TCF7L2: variants seen among roughly 807,000 people sequenced by gnomAD.
TCF7L2 encodes the protein transcription factor 7 like 2.
In TCF7L2, 23 loss-of-function variants were observed where a neutral mutation model predicts 77.9. The ratio of observed to expected loss-of-function variants is 0.30; its 90% CI spans 0.21 to 0.42. The LOEUF (loss-of-function observed/expected upper bound fraction) is 0.42. Among genes scored for constraint, TCF7L2 ranks in the 10% least tolerant of loss-of-function variants. TCF7L2 has a pLI of 1.00. For missense variants in TCF7L2, 654 were observed against 793.1 expected (o/e 0.82, Z 2.11); for synonymous variants, 413 against 340.2 (o/e 1.21, Z -2.36).
chr10:113,080,725 G>A (rs922575158), intron 5 of TCF7L2, among the ~76,000 whole-genome samples: 11 of 152,128 alleles, frequency 7.2e-5, no homozygotes, highest in African/African-American at 2.7e-4. Context: ...AACATGGCTT[G>A]TTTTCATAAG....
chr10:112,959,885 A>G (rs890416625), intron 3 of TCF7L2, among the ~76,000 whole-genome samples: 3 of 152,190 alleles, frequency 2.0e-5, no homozygotes, highest in Non-Finnish European at 4.4e-5. Flanking sequence ...TCTTAAGGTA[A>G]TTACATGGAA....
chr10:113,072,902 T>G (rs1326242964), intron 5 of TCF7L2, among the ~76,000 whole-genome samples: 1 of 152,200 alleles, frequency 6.6e-6, no homozygotes, highest in African/African-American at 2.4e-5. Context: ...GCACTGGGCC[T>G]GAGACCTTTT....
chr10:113,150,132 G>A (rs757391501), intron 8 of TCF7L2, among the ~76,000 whole-genome samples: 1 of 152,148 alleles, frequency 6.6e-6, no homozygotes, highest in Non-Finnish European at 1.5e-5. Flanking sequence ...CAAAAAATGA[G>A]CAGCATGAGA....
intron 3 of TCF7L2, among the ~76,000 whole-genome samples, chr10:112,961,581 A>G (rs1360862874): frequency 5.3e-5 from 8 of 152,346 alleles, no homozygotes; most frequent in Middle Eastern, 3.4e-3. Flanking sequence ...CAGTGAAAGT[A>G]TGCATTTTCG....
At chr10:113,064,733 G>T (rs1339485248) in intron 5 of TCF7L2, among the ~76,000 whole-genome samples, 1 of 152,198 alleles carries the variant, frequency 6.6e-6, no homozygotes, top group Non-Finnish European at 1.5e-5. Context: ...AACTACCACG[G>T]ATGCTTCAGC....
At chr10:113,117,506 A>G (rs1391778017) in intron 5 of TCF7L2, among the ~76,000 whole-genome samples, 1 of 150,536 alleles carries the variant, frequency 6.6e-6, no homozygotes, top group Non-Finnish European at 1.5e-5. Flanking sequence ...ACAGAACAGG[A>G]TACAATGAGA....
rs1454709327 is a variant in TCF7L2, at chr10:112,950,697, T to C, written c.-60T>C. ...GCAAAACTTTTTGGGGGTGATTTTT[T>C]TTGGCTTTTCTTCCTCCTTCATTTT... On this transcript the variant is annotated 5_prime_UTR_variant, in exon 1 of 14. Coordinates refer to ENST00000627217, the MANE Select transcript of TCF7L2 (RefSeq NM_001146274.2). 2 of 1,518,240 alleles carry C rather than the reference T, an allele frequency of 1.3e-6. No individual in the cohort carries two copies. Among genetic ancestry groups the C allele is most frequent in the Non-Finnish European group, 1.8e-6 (2 of 1,136,610 alleles). 94.0% of individuals were successfully genotyped at this position (1,518,240 alleles called of 1,614,324 possible).
Position 113,070,164 on chromosome 10 carries a change from G to T in TCF7L2, c.552+30038G>T, listed in dbSNP as rs553302032. Among the ~76,000 whole-genome samples, 20 of 151,602 alleles carry T rather than the reference G, an allele frequency of 1.3e-4. 1 individual carries two copies. In the South Asian group the frequency reaches 4.2e-3, roughly 32 times the overall value. ...CCAGCTACTCGGGAGGCTGAGGCAG[G>T]AGAATCCCTTGAACCAGTGAGTCGG... On this transcript the variant is annotated intron_variant, in intron 5 of 13. Coordinates refer to ENST00000627217, the MANE Select transcript of TCF7L2 (RefSeq NM_001146274.2).
Position 113,022,590 on chromosome 10 carries a change from C to A in TCF7L2, c.451-17435C>A, listed in dbSNP as rs146861379. 3.3e-5 allele frequency among the ~76,000 whole-genome samples: 5 copies of A among 152,244 alleles called. No individual in the cohort carries two copies. The South Asian group carries it at 6.2e-4, about 19-fold the overall frequency. The stretch of plus-strand genomic sequence containing the variant: ...TCCCCCTTAAGCGGTGGTTAATACG[C>A]GTATCTGCAGATTTACTTTTTGGAT... On this transcript the variant is annotated intron_variant, in intron 4 of 13. Transcript: ENST00000627217.
At chr10:113,041,777 T>G (rs1325930505) in intron 5 of TCF7L2, among the ~76,000 whole-genome samples, 1 of 152,194 alleles carries the variant, frequency 6.6e-6, no homozygotes, top group Non-Finnish European at 1.5e-5. Flanking sequence ...TGAAGAAGCC[T>G]GTTTTCAGGT....
At chr10:113,160,510 T>C in intron 12 of TCF7L2, 1 of 915,256 alleles carries the variant, frequency 1.1e-6, no homozygotes, top group African/African-American at 1.7e-5. Context: ...GATTATCAAA[T>C]AGAACCAAGG....
intron 5 of TCF7L2, among the ~76,000 whole-genome samples, chr10:113,083,259 G>GACACACACACACACACAC (rs10649541): frequency 5.6e-5 from 8 of 143,364 alleles, no homozygotes; most frequent in African/African-American, 1.8e-4. Context: ...TATACTGATA[G>GACACACACACACACACAC]ACACACACAC....
At chr10:113,071,803 C>T (rs1182862557) in intron 5 of TCF7L2, among the ~76,000 whole-genome samples, 1 of 152,152 alleles carries the variant, frequency 6.6e-6, no homozygotes, top group Non-Finnish European at 1.5e-5. Context: ...ATGTGACAGA[C>T]ACTATCAGGC....
chr10:112,981,451 C>T (rs542688171), intron 4 of TCF7L2, among the ~76,000 whole-genome samples: 11 of 152,286 alleles, frequency 7.2e-5, no homozygotes, highest in African/African-American at 2.4e-4. Context: ...ATTTTAGGAT[C>T]GTTTAGGAAA....
intron 5 of TCF7L2, among the ~76,000 whole-genome samples, chr10:113,081,432 T>A (rs548326195): frequency 6.6e-6 from 1 of 152,360 alleles, no homozygotes; most frequent in South Asian, 2.1e-4. Context: ...CTGTGCTGCT[T>A]GAACCCGAGC....
chr10:113,016,662 A>T (rs900322530), intron 4 of TCF7L2, among the ~76,000 whole-genome samples: 1 of 151,902 alleles, frequency 6.6e-6, no homozygotes, highest in African/African-American at 2.4e-5. Context: ...AATTGAATTC[A>T]TCAGCTGCTG....
intron 5 of TCF7L2, among the ~76,000 whole-genome samples, chr10:113,140,500 T>G (rs1323773031): frequency 1.3e-5 from 2 of 152,322 alleles, no homozygotes; most frequent in South Asian, 2.1e-4. Flanking sequence ...CGGATGACTT[T>G]CTAATGAAAT....
rs372156255 is a variant in TCF7L2, at chr10:113,037,129, A to G, written c.451-2896A>G. Among the ~76,000 whole-genome samples, 10 of 152,262 alleles carry G rather than the reference A, an allele frequency of 6.6e-5. No homozygotes were observed. The East Asian group carries it at 1.5e-3, about 23-fold the overall frequency. The stretch of plus-strand genomic sequence containing the variant: ...TTATTTTCCCTATTAATAAGCACCA[A>G]TTGTAGAAGATGAAGGAAGCTGGGA... On this transcript the variant is annotated intron_variant, in intron 4 of 13. Coordinates refer to ENST00000627217, the MANE Select transcript of TCF7L2 (RefSeq NM_001146274.2).
Position 113,165,867 on chromosome 10 carries a change from C to T in TCF7L2, c.1704C>T (p.Pro568=). ...CAGCCGCTTTGCAGCCTGCCGCCCC[C>T]TCCTCATCAATTGCACAGCCGTCGA... The change falls in exon 14 of 14, where the codon CCC becomes CCT. Residue 568 remains proline, a synonymous_variant. Coordinates refer to ENST00000627217, the MANE Select transcript of TCF7L2 (RefSeq NM_001146274.2). The T allele has an allele frequency of 1.2e-5, 20 of 1,607,514 alleles. No individual in the cohort carries two copies. The highest frequency in any genetic ancestry group is 1.3e-5 in the Non-Finnish European group (15 of 1,175,770).
Sources: allele counts gnomAD v4.1 joint callset (sites outside exome capture counted in the v4.1 genomes callset), GRCh38; gene constraint gnomAD v4.1.1; transcripts MANE v1.5; gene names NCBI Gene and HGNC (gene_info 2026-07-23, HGNC 2026-07-21).